Variants in STXBP4 observed in about 807,000 individuals in gnomAD.
STXBP4 encodes the protein syntaxin-binding protein 4.
In STXBP4, 55 loss-of-function variants were observed where a neutral mutation model predicts 76.1. The ratio of observed to expected loss-of-function variants is 0.72; its 90% CI spans 0.58 to 0.91. The LOEUF (loss-of-function observed/expected upper bound fraction) is 0.91, where lower values mean the gene tolerates loss of function less well. Ranked by LOEUF, STXBP4 falls within the 40% of genes least tolerant of loss-of-function variation. STXBP4 has a pLI of 0.00. For missense variants in STXBP4, 618 were observed against 636.9 expected (o/e 0.97, Z 0.32); for synonymous variants, 201 against 220.2 (o/e 0.91, Z 0.77).
chr17:55,099,469 A>G (rs2079537178), intron 16 of STXBP4, among the ~76,000 whole-genome samples: 2 of 152,248 alleles, frequency 1.3e-5, no homozygotes, highest in South Asian at 4.1e-4. Flanking sequence ...GGCTTCAAGT[A>G]TGTATAGCAG....
chr17:54,996,649 G>A (rs922432021), intron 4 of STXBP4, among the ~76,000 whole-genome samples: 1 of 151,970 alleles, frequency 6.6e-6, no homozygotes, highest in Non-Finnish European at 1.5e-5. Context: ...AGAAAATAGA[G>A]GTTCATAAAA....
chr17:55,115,073 G>A (rs1474328144), intron 16 of STXBP4, among the ~76,000 whole-genome samples: 1 of 151,804 alleles, frequency 6.6e-6, no homozygotes, highest in Admixed American at 6.6e-5. Flanking sequence ...TTATTGATAA[G>A]GTGCCGATAA....
At chr17:55,145,729 A>T (rs1374298462) in intron 17 of STXBP4, among the ~76,000 whole-genome samples, 1 of 145,082 alleles carries the variant, frequency 6.9e-6, no homozygotes, top group African/African-American at 2.5e-5. Flanking sequence ...GTGTGTGTGT[A>T]TGTTTCTGTG....
intron 8 of STXBP4, among the ~76,000 whole-genome samples, chr17:55,010,623 C>T (rs1478119577): frequency 1.3e-5 from 2 of 151,964 alleles, no homozygotes; most frequent in Non-Finnish European, 2.9e-5. Flanking sequence ...AATATCGTAC[C>T]TCTGCATTAT....
At chr17:55,107,008 T>C (rs1309775400) in intron 16 of STXBP4, among the ~76,000 whole-genome samples, 2 of 152,230 alleles carry the variant, frequency 1.3e-5, no homozygotes, top group African/African-American at 4.8e-5. Flanking sequence ...GAAGTTCTCC[T>C]GGATAATATC....
chr17:55,189,685 C>A, the STXBP4 span, among the ~76,000 whole-genome samples: 1 of 152,150 alleles, frequency 6.6e-6, no homozygotes, highest in Non-Finnish European at 1.5e-5. Flanking sequence ...GAATATCAGT[C>A]CTCTCTGACA....
At chr17:54,990,505 A>C (rs1387497453) in intron 3 of STXBP4, among the ~76,000 whole-genome samples, 2 of 152,194 alleles carry the variant, frequency 1.3e-5, no homozygotes, top group Non-Finnish European at 2.9e-5. Context: ...GTCTAGTTGC[A>C]GGAAAACAAG....
the STXBP4 span, among the ~76,000 whole-genome samples, chr17:55,190,118 G>A: frequency 1.3e-5 from 2 of 152,164 alleles, no homozygotes; most frequent in African/African-American, 4.8e-5. Flanking sequence ...AAGGAATACT[G>A]AAGGTAGGAA....
Position 55,125,479 on chromosome 17 carries a change from C to CAAAAAA in STXBP4, c.1490-15815_1490-15810dup, listed in dbSNP as rs10632680. On this transcript the variant is annotated intron_variant, in intron 16 of 17. Coordinates refer to ENST00000376352, the MANE Select transcript of STXBP4 (RefSeq NM_178509.6). ...CCTATTGTAAACCCTGGACAAAATA[C>CAAAAAA]AAAAAAAAAAAAAAAAAAAAATACA... is the stretch of plus-strand genomic sequence containing the variant. Among the ~76,000 whole-genome samples the CAAAAAA allele has an allele frequency of 7.2e-3, 661 of 91,678 alleles. 22 individuals carry two copies. Among genetic ancestry groups the CAAAAAA allele is most frequent in the East Asian group, 0.011 (36 of 3,188 alleles). The allele number at this position is 91,678 out of a possible 152,430, so 60.1% of individuals were successfully genotyped here.
At chr17:55,063,330 T>C (rs73323263) in intron 12 of STXBP4, among the ~76,000 whole-genome samples, 8,550 of 152,318 alleles carry the variant, frequency 0.056, 833 homozygotes, top group African/African-American at 0.2. Flanking sequence ...ATTTATAATA[T>C]AGAACTCAAT....
intron 7 of STXBP4, 95 bp downstream of exon 7, chr17:55,000,978 A>C (rs1438085655): frequency 1.2e-6 from 1 of 820,200 alleles, no homozygotes; most frequent in Non-Finnish European, 2.0e-6. Context: ...AAGAAGGGTG[A>C]ATTATGTCTT....
At chr17:55,103,648 G>GT (rs1312338420) in intron 16 of STXBP4, among the ~76,000 whole-genome samples, 4 of 149,226 alleles carry the variant, frequency 2.7e-5, no homozygotes, top group Non-Finnish European at 5.9e-5. Context: ...ATTTAAAGTA[G>GT]TTTTTTTCTA....
At chr17:54,993,484 A>C (rs2077750443) in intron 4 of STXBP4, among the ~76,000 whole-genome samples, 1 of 65,672 alleles carries the variant, frequency 1.5e-5, no homozygotes, top group Admixed American at 1.6e-4. Flanking sequence ...AAAAAATAAA[A>C]AAATTTATAG....
Position 55,072,945 on chromosome 17 carries a change from A to G in STXBP4, c.1057A>G (p.Ile353Val), listed in dbSNP as rs777421639. Residue 353 changes from isoleucine to valine, a missense_variant, in exon 13 of 18, where the codon ATT (isoleucine) becomes GTT (valine). Coordinates refer to ENST00000376352, the MANE Select transcript of STXBP4 (RefSeq NM_178509.6). ...AGAAACAAGAGCCCTGCGTAGTCGG[A>G]TTCATCTTGCTGAAGCTGCTCAGAG... ...VEETRALRSR[I>V]HLAEAAQRQA... 6.2e-7 allele frequency: 1 copy of G among 1,613,808 alleles called. No homozygotes were observed. The highest frequency in any genetic ancestry group is 8.5e-7 in the Non-Finnish European group (1 of 1,179,862).
chr17:54,994,314 G>A (rs1233351267), intron 4 of STXBP4, among the ~76,000 whole-genome samples: 2 of 151,988 alleles, frequency 1.3e-5, no homozygotes, highest in African/African-American at 4.8e-5. Context: ...TTTTTACTTG[G>A]ACCTCTTAAA....
the STXBP4 span, among the ~76,000 whole-genome samples, chr17:55,193,645 A>AAAAAC: frequency 2.6e-5 from 4 of 152,042 alleles, no homozygotes; most frequent in East Asian, 1.9e-4. Flanking sequence ...CAAAAAAAGG[A>AAAAAC]AAAACAAAAC....
At chr17:55,074,218 G>C (rs1350682235) in intron 13 of STXBP4, among the ~76,000 whole-genome samples, 1 of 152,072 alleles carries the variant, frequency 6.6e-6, no homozygotes, top group Non-Finnish European at 1.5e-5. Context: ...AATGAAACTA[G>C]TGTTACAAAT....
chr17:55,092,912 T>TC (rs2079434482), intron 16 of STXBP4, among the ~76,000 whole-genome samples: 1 of 152,012 alleles, frequency 6.6e-6, no homozygotes, highest in African/African-American at 2.4e-5. Flanking sequence ...TTTCCTCATT[T>TC]CCCCCAGAGC....
intron 13 of STXBP4, among the ~76,000 whole-genome samples, chr17:55,075,886 G>A (rs533332334): frequency 6.6e-6 from 1 of 152,078 alleles, no homozygotes; most frequent in African/African-American, 2.4e-5. Context: ...AGCTATAATG[G>A]GGTTATTTCT....
Sources: gnomAD v4.1 joint callset for allele counts (sites outside exome capture counted in the v4.1 genomes callset) on GRCh38, gnomAD v4.1.1 for gene constraint, MANE v1.5 for transcripts, NCBI Gene and HGNC (gene_info 2026-07-23, HGNC 2026-07-21) for gene names.